ADAM32: variants seen among roughly 807,000 people sequenced by gnomAD.
ADAM32 encodes ADAM metallopeptidase domain 32.
Under a neutral mutation model 114.9 loss-of-function variants are expected in ADAM32, and 89 were observed. That is an observed-to-expected ratio of 0.77 (90% CI 0.65 to 0.92). The LOEUF is 0.92. Among genes scored for constraint, ADAM32 ranks in the 40% least tolerant of loss-of-function variants. The probability of loss-of-function intolerance (pLI) is 0.00; values close to 1 mark genes in which losing one functional copy is unlikely to be tolerated. For missense variants in ADAM32, 870 were observed against 932.8 expected, an observed-to-expected ratio of 0.93 and a Z score of 0.88; for synonymous variants, 285 against 307.5, an observed-to-expected ratio of 0.93 and a Z score of 0.77.
At position 39,284,832 on chromosome 8, in the gene ADAM32, G is replaced by A. The variant is rs1813678023; in HGVS notation, c.*33G>A. ...TTCAGAAGGCAACGGATAACATCGAGAGTCTCGCTAAGAAATGAAAATTCT... is the reference window on the plus strand; with the variant it reads ...TTCAGAAGGCAACGGATAACATCGAAAGTCTCGCTAAGAAATGAAAATTCT... On this transcript the variant is annotated 3_prime_UTR_variant, in exon 25 of 25. Coordinates refer to ENST00000379907, the MANE Select transcript of ADAM32 (RefSeq NM_145004.7). 9 of 1,612,172 alleles carry A rather than the reference G, an allele frequency of 5.6e-6. No homozygotes were observed. Among genetic ancestry groups the A allele is most frequent in the East Asian group, 2.2e-5 (1 of 44,852 alleles).
intron 16 of ADAM32, among the ~76,000 whole-genome samples, chr8:39,237,169 G>A (rs987942468): frequency 1.3e-5 from 2 of 152,158 alleles, no homozygotes; most frequent in Non-Finnish European, 2.9e-5. Context: ...AACCATAAAA[G>A]TAGAAGAAGC....
chr8:39,225,848 C>T (rs1809330136), intron 14 of ADAM32, among the ~76,000 whole-genome samples: 1 of 151,872 alleles, frequency 6.6e-6, no homozygotes, highest in Non-Finnish European at 1.5e-5. Flanking sequence ...ACTGCTCCAT[C>T]GAATTTGAAG....
At chr8:39,129,267 G>A (rs1197775461) in intron 2 of ADAM32, among the ~76,000 whole-genome samples, 1 of 151,748 alleles carries the variant, frequency 6.6e-6, no homozygotes, top group African/African-American at 2.4e-5. Flanking sequence ...GGTAAGAGGG[G>A]GCATTTCTGC....
At chr8:39,164,949 T>G (rs777286867) in intron 8 of ADAM32, 81 bp from the exon 9 acceptor site, 64 of 1,497,146 alleles carry the variant, frequency 4.3e-5, no homozygotes, top group Non-Finnish European at 5.7e-5. Context: ...GAGTGTGGGA[T>G]TGTAAAAACT....
chr8:39,211,263 A>T lies in ADAM32; in HGVS notation c.1172A>T (p.Lys391Ile). Reference protein sequence around the residue: ...NKPQMQKKSPKPVCGNGRLEG... With the variant: ...NKPQMQKKSPIPVCGNGRLEG... ...CCACAAATGCAAAAAAAATCTCCGA[A>T]ACCAGTCTGTGGCAATGGCAGATTG... The change falls in exon 12 of 25, where the codon AAA becomes ATA. Residue 391 changes from lysine (K) to isoleucine (I), a missense_variant. Transcript: ENST00000379907. The T allele has an allele frequency of 2.5e-6, 4 of 1,601,500 alleles. No individual in the cohort carries two copies. The highest frequency in any genetic ancestry group is 3.4e-6 in the Non-Finnish European group (4 of 1,174,036).
rs963910803 is a variant in ADAM32, at chr8:39,174,371, T to TA, written c.915+4375dup. ...TGCTGTTTTGGTTACTGTAGCCTTG[T>TA]AGTATAGTTTGAAGTTGGGTAGCAT... On this transcript the variant is annotated intron_variant, in intron 10 of 24. Transcript: ENST00000379907. Among the ~76,000 whole-genome samples, 9 of 152,334 alleles carry TA rather than the reference T, an allele frequency of 5.9e-5. 1 individual carries two copies. Among genetic ancestry groups the TA allele is most frequent in the Admixed American group, 2.0e-4 (3 of 15,294 alleles).
At chr8:39,253,906 A>G (rs771430857) in intron 17 of ADAM32, among the ~76,000 whole-genome samples, 2 of 151,646 alleles carry the variant, frequency 1.3e-5, no homozygotes, top group Non-Finnish European at 3.0e-5. Flanking sequence ...TAGAAAATAA[A>G]AAAATTATAT....
rs550675253 is a variant in ADAM32, at chr8:39,187,866, G to C, written c.1052+821G>C. On this transcript the variant is annotated intron_variant, in intron 11 of 24. Coordinates refer to ENST00000379907, the MANE Select transcript of ADAM32 (RefSeq NM_145004.7). ...TAAAAGAAAAAATGAAATAGGAAAG[G>C]GTTTTCTAAACTGTAGAATTCTATA... Among the ~76,000 whole-genome samples the C allele has an allele frequency of 1.6e-4, 24 of 152,144 alleles. No homozygotes were observed. The East Asian group carries it at 2.7e-3, about 17-fold the overall frequency.
chr8:39,255,994 A>G (rs1461607950), intron 18 of ADAM32, among the ~76,000 whole-genome samples: 1 of 151,856 alleles, frequency 6.6e-6, no homozygotes, highest in Non-Finnish European at 1.5e-5. Context: ...TCCTTTCCCC[A>G]TGTTATGTTT....
At chr8:39,197,929 A>G (rs1477917947) in intron 11 of ADAM32, among the ~76,000 whole-genome samples, 2 of 152,144 alleles carry the variant, frequency 1.3e-5, no homozygotes, top group African/African-American at 4.8e-5. Context: ...GGAGTCAACA[A>G]CTATTATTGT....
chr8:39,233,931 AC>A lies in ADAM32; in HGVS notation c.1670del (p.Pro557LeufsTer13). ...NLICGRLVCT[Y>X]PTRKPFHQEN... ...ATATGTGGAAGATTAGTTTGTACCT[AC>A]CCTACTCGAAAGCCTTTCCATCAAG... On this transcript the variant is annotated frameshift_variant, in exon 16 of 25. Coordinates refer to ENST00000379907, the MANE Select transcript of ADAM32 (RefSeq NM_145004.7). LOFTEE classifies it high-confidence loss of function. 6.3e-7 allele frequency: 1 copy of A among 1,587,570 alleles called. No individual in the cohort carries two copies. Among genetic ancestry groups the A allele is most frequent in the Non-Finnish European group, 8.6e-7 (1 of 1,166,174 alleles).
intron 5 of ADAM32, among the ~76,000 whole-genome samples, chr8:39,150,317 G>T (rs955940382): frequency 6.6e-6 from 1 of 152,022 alleles, no homozygotes; most frequent in Non-Finnish European, 1.5e-5. Flanking sequence ...GTAGATTAGG[G>T]TAATCTTTTA....
intron 16 of ADAM32, among the ~76,000 whole-genome samples, chr8:39,242,520 C>T (rs1420942271): frequency 1.3e-5 from 2 of 152,168 alleles, no homozygotes; most frequent in African/African-American, 2.4e-5. Flanking sequence ...TACATATTAG[C>T]AGACAAGAGA....
chr8:39,217,117 A>ATT (rs111413240), intron 12 of ADAM32, among the ~76,000 whole-genome samples: 12,677 of 150,504 alleles, frequency 0.084, 1,644 homozygotes, highest in African/African-American at 0.28. Flanking sequence ...ATATATATAT[A>ATT]TTTTTTTACC....
chr8:39,221,365 A>T, intron 12 of ADAM32: 1 of 376,694 alleles, frequency 2.7e-6, no homozygotes, highest in East Asian at 4.5e-5. Flanking sequence ...GACATTCTCC[A>T]TGTCTTTTAA....
At chr8:39,241,735 T>G (rs1296045351) in intron 16 of ADAM32, among the ~76,000 whole-genome samples, 1 of 152,204 alleles carries the variant, frequency 6.6e-6, no homozygotes, top group Non-Finnish European at 1.5e-5. Flanking sequence ...TTTTCCCTCC[T>G]AAACCTCCAG....
At chr8:39,108,073 C>A in intron 1 of ADAM32, 5 of 470,652 alleles carry the variant, frequency 1.1e-5, no homozygotes, top group Non-Finnish European at 1.8e-5. Flanking sequence ...TGTTTGACCT[C>A]GGAGTTGGAG....
Position 39,233,224 on chromosome 8 carries a change from C to T in ADAM32, c.1635-675C>T, listed in dbSNP as rs536041713. Among the ~76,000 whole-genome samples, 134 of 152,298 alleles carry T rather than the reference C, an allele frequency of 8.8e-4. 1 individual carries two copies. The highest frequency in any genetic ancestry group is 3.2e-3 in the African/African-American group (131 of 41,584). ...GACTGCTCAACAGGCAAAGCAGCAG[C>T]ATGGACTGCTCAGCTGCTTACACTT... On this transcript the variant is annotated intron_variant, in intron 15 of 24. Transcript: ENST00000379907.
chr8:39,129,113 GT>G (rs1261788036), intron 2 of ADAM32, among the ~76,000 whole-genome samples: 170 of 117,690 alleles, frequency 1.4e-3, no homozygotes, highest in African/African-American at 4.7e-3. Flanking sequence ...ATTGGTTCTC[GT>G]TTTTTTTTGT....
Sources: allele counts gnomAD v4.1 joint callset (sites outside exome capture counted in the v4.1 genomes callset), GRCh38; gene constraint gnomAD v4.1.1; transcripts MANE v1.5; gene names NCBI Gene and HGNC (gene_info 2026-07-23, HGNC 2026-07-21).